LOXHD1: variants seen among roughly 807,000 people sequenced by gnomAD.
LOXHD1 encodes lipoxygenase homology domain-containing protein 1.
In LOXHD1, 205 loss-of-function variants were observed where a neutral mutation model predicts 248.2. The observed-to-expected ratio is 0.83, with a 90% confidence interval of 0.74 to 0.93. The LOEUF is 0.93. Ranked by LOEUF, LOXHD1 falls within the 40% of genes least tolerant of loss-of-function variation. The pLI is 0.00. For missense variants in LOXHD1, 2,930 were observed against 2,971.6 expected, an observed-to-expected ratio of 0.99 and a Z score of 0.33; for synonymous variants, 1,113 against 1,162.8, an observed-to-expected ratio of 0.96 and a Z score of 0.87.
chr18:46,499,540 C>A (rs2034093176), intron 37 of LOXHD1, among the ~76,000 whole-genome samples: 3 of 152,082 alleles, frequency 2.0e-5, no homozygotes, highest in Admixed American at 1.3e-4. Flanking sequence ...CTTGAATGTA[C>A]CATGCCATTC....
chr18:46,565,366 C>A (rs921939654), intron 17 of LOXHD1, among the ~76,000 whole-genome samples: 4 of 152,206 alleles, frequency 2.6e-5, no homozygotes, highest in Non-Finnish European at 4.4e-5. Context: ...AGGCCCTTCC[C>A]CCACACCATT....
chr18:46,569,007 C>T (rs545488839), intron 16 of LOXHD1, among the ~76,000 whole-genome samples: 1 of 152,230 alleles, frequency 6.6e-6, no homozygotes, highest in East Asian at 1.9e-4. Context: ...GCTTCCTGGC[C>T]CCAATTCTGA....
chr18:46,543,086 T>C (rs1343962026), intron 23 of LOXHD1, among the ~76,000 whole-genome samples: 1 of 152,192 alleles, frequency 6.6e-6, no homozygotes. Flanking sequence ...GGTGAGTTAG[T>C]AGTGAATTCT....
At chr18:46,619,317 C>T (rs2038635346) in intron 4 of LOXHD1, among the ~76,000 whole-genome samples, 1 of 152,188 alleles carries the variant, frequency 6.6e-6, no homozygotes, top group African/African-American at 2.4e-5. Context: ...CCCACCTGTT[C>T]CCTAGTGCCT....
At chr18:46,505,803 G>A in intron 37 of LOXHD1, 35 bp downstream of exon 37, 3 of 1,549,408 alleles carry the variant, frequency 1.9e-6, no homozygotes, top group East Asian at 2.4e-5. Flanking sequence ...GCTGAGGGCT[G>A]CCCTCCCACC....
At chr18:46,652,708 A>G (rs2039127456) in intron 1 of LOXHD1, among the ~76,000 whole-genome samples, 1 of 152,250 alleles carries the variant, frequency 6.6e-6, no homozygotes, top group South Asian at 2.1e-4. Flanking sequence ...GTTCATCAGA[A>G]TATGTGTACC....
intron 6 of LOXHD1, among the ~76,000 whole-genome samples, chr18:46,610,570 AG>A (rs1262019171): frequency 6.6e-6 from 1 of 152,198 alleles, no homozygotes; most frequent in African/African-American, 2.4e-5. Flanking sequence ...AAAAAGAGAA[AG>A]TACTGGACTT....
rs187238621 is a variant in LOXHD1, at chr18:46,648,163, C to T, written c.245+992G>A. Among the ~76,000 whole-genome samples the T allele has an allele frequency of 1.4e-3, 218 of 152,280 alleles. 1 individual carries two copies. The highest frequency in any genetic ancestry group is 2.7e-3 in the Non-Finnish European group (184 of 68,030). On this transcript the variant is annotated intron_variant, in intron 2 of 40. Coordinates refer to ENST00000642948, the MANE Select transcript of LOXHD1 (RefSeq NM_001384474.1). ...GTTCCAGCTACTCCGGAGGCTGAGG[C>T]AGGAGAATCGCTTGAACCTGGGAGG...
chr18:46,639,807 C>T lies in LOXHD1; in HGVS notation c.327-7G>A, dbSNP rs1439154817. The T allele has an allele frequency of 6.4e-7, 1 of 1,551,576 alleles. No individual in the cohort carries two copies. Among genetic ancestry groups the T allele is most frequent in the Non-Finnish European group, 8.7e-7 (1 of 1,146,990 alleles). On this transcript the variant is annotated splice_polypyrimidine_tract_variant and splice_region_variant and intron_variant, in intron 3 of 40. Transcript: ENST00000642948. ...CGTGTTGTCATGCTCAATCCTGAGG[C>T]AGAAGCCAAGGCCCACACCATCACT...
intron 40 of LOXHD1, among the ~76,000 whole-genome samples, chr18:46,481,741 CAATT>C (rs1203439581): frequency 6.6e-6 from 1 of 152,206 alleles, no homozygotes; most frequent in Non-Finnish European, 1.5e-5. Context: ...AAAGATGCTT[CAATT>C]AAGAGCGGCT....
At chr18:46,529,815 C>T (rs936838482) in intron 28 of LOXHD1, among the ~76,000 whole-genome samples, 1 of 152,076 alleles carries the variant, frequency 6.6e-6, no homozygotes, top group Non-Finnish European at 1.5e-5. Context: ...CTGTTCATTT[C>T]CTCACGTTCA....
chr18:46,518,060 A>C, intron 34 of LOXHD1, 69 bp downstream of exon 34: 1 of 1,536,056 alleles, frequency 6.5e-7, no homozygotes, highest in Non-Finnish European at 8.8e-7. Flanking sequence ...GCCTGGCTGA[A>C]GGCAGGGTGG....
chr18:46,606,231 A>G (rs1468655855), intron 6 of LOXHD1, among the ~76,000 whole-genome samples: 1 of 152,182 alleles, frequency 6.6e-6, no homozygotes, highest in Non-Finnish European at 1.5e-5. Context: ...CTGTTCTTTC[A>G]CCAACTCCTG....
chr18:46,559,609 A>G lies in LOXHD1; in HGVS notation c.3062-7T>C. ...TGAACCTCATAGGTGTTTCCTGTAG[A>G]CACAGAAAGATGCAGTGTGGAGGGC... On this transcript the variant is annotated splice_polypyrimidine_tract_variant and splice_region_variant and intron_variant, in intron 19 of 40. Transcript: ENST00000642948. 6.4e-7 allele frequency: 1 copy of G among 1,551,376 alleles called. No homozygotes were observed. Among genetic ancestry groups the G allele is most frequent in the Non-Finnish European group, 8.7e-7 (1 of 1,146,678 alleles).
intron 34 of LOXHD1, among the ~76,000 whole-genome samples, chr18:46,513,149 A>G (rs192090897): frequency 7.9e-4 from 121 of 152,372 alleles, no homozygotes; most frequent in Non-Finnish European, 1.6e-3. Flanking sequence ...GAGGGTTTAC[A>G]TAAGTTTTTG....
At chr18:46,642,511 C>A (rs1357479314) in intron 2 of LOXHD1, among the ~76,000 whole-genome samples, 1 of 152,216 alleles carries the variant, frequency 6.6e-6, no homozygotes, top group Non-Finnish European at 1.5e-5. Flanking sequence ...CAAGTAGATG[C>A]AGACCTTGGG....
chr18:46,499,363 A>G (rs370475325), intron 37 of LOXHD1, among the ~76,000 whole-genome samples: 1 of 152,210 alleles, frequency 6.6e-6, no homozygotes, highest in African/African-American at 2.4e-5. Context: ...TTGGGTATCT[A>G]TGAATGTCTG....
At chr18:46,551,348 C>G (rs979815841) in intron 21 of LOXHD1, among the ~76,000 whole-genome samples, 4 of 151,242 alleles carry the variant, frequency 2.6e-5, no homozygotes, top group African/African-American at 7.3e-5. Flanking sequence ...TGTGATCCAC[C>G]CACCCTGGCC....
Position 46,560,318 on chromosome 18 carries a change from C to T in LOXHD1, c.2826G>A (p.Lys942=). ...CGTCCTCTTCGTCGCTGCCCTTCCT[C>T]TTCTTCTTCTTCCTCTGCAGCTTGG... ...LKAKLQRKKK[K]RKGSDEEDEG... The change falls in exon 19 of 41, where the codon AAG becomes AAA. Residue 942 remains lysine (K), a synonymous_variant. Coordinates refer to ENST00000642948, the MANE Select transcript of LOXHD1 (RefSeq NM_001384474.1). 2.0e-6 allele frequency: 3 copies of T among 1,494,118 alleles called. No homozygotes were observed. Among genetic ancestry groups the T allele is most frequent in the Non-Finnish European group, 2.7e-6 (3 of 1,104,854 alleles). The allele number at this position is 1,494,118 out of a possible 1,614,324, so 92.6% of individuals were successfully genotyped here.
Sources: allele counts gnomAD v4.1 joint callset (sites outside exome capture counted in the v4.1 genomes callset), GRCh38; gene constraint gnomAD v4.1.1; transcripts MANE v1.5; gene names NCBI Gene and HGNC (gene_info 2026-07-23, HGNC 2026-07-21).